RAB2A: variants seen among roughly 807,000 people sequenced by gnomAD.
RAB2A encodes the protein RAB2A, member RAS oncogene family.
Under a neutral mutation model 32.5 loss-of-function variants are expected in RAB2A, and 7 were observed. The ratio of observed to expected loss-of-function variants is 0.22; its 90% CI spans 0.12 to 0.40. RAB2A has a LOEUF of 0.40. Among genes scored for constraint, RAB2A ranks in the 10% least tolerant of loss-of-function variants. The pLI is 1.00. For missense variants in RAB2A, 108 were observed against 260.7 expected (o/e 0.41, Z 4.03); for synonymous variants, 79 against 85.2 (o/e 0.93, Z 0.40).
chr8:60,529,355 T>C (rs1261379561), intron 1 of RAB2A, among the ~76,000 whole-genome samples: 1 of 152,236 alleles, frequency 6.6e-6, no homozygotes, highest in East Asian at 1.9e-4. Context: ...TATAGTCTTT[T>C]GTCTACTTCT....
chr8:60,524,517 T>C (rs1211009648), intron 1 of RAB2A, among the ~76,000 whole-genome samples: 1 of 152,250 alleles, frequency 6.6e-6, no homozygotes, highest in African/African-American at 2.4e-5. Flanking sequence ...TCATTAGCCT[T>C]GATTATTTGC....
chr8:60,540,164 T>C (rs1220381314), intron 1 of RAB2A, among the ~76,000 whole-genome samples: 2 of 150,618 alleles, frequency 1.3e-5, no homozygotes, highest in African/African-American at 4.9e-5. Flanking sequence ...TTAAATGTAA[T>C]CCTTTTCTTC....
At chr8:60,556,855 A>C (rs577216722) in intron 1 of RAB2A, among the ~76,000 whole-genome samples, 6 of 152,102 alleles carry the variant, frequency 3.9e-5, no homozygotes, top group South Asian at 4.1e-4. Flanking sequence ...TGATTCTTGA[A>C]GTCTCTCAAG....
At chr8:60,574,419 T>G (rs1808239675) in intron 3 of RAB2A, among the ~76,000 whole-genome samples, 1 of 152,016 alleles carries the variant, frequency 6.6e-6, no homozygotes, top group South Asian at 2.1e-4. Context: ...ATAGAGAATC[T>G]CATTCTGTCT....
At chr8:60,562,345 C>G (rs1327893393) in intron 2 of RAB2A, among the ~76,000 whole-genome samples, 2 of 152,144 alleles carry the variant, frequency 1.3e-5, no homozygotes, top group African/African-American at 4.8e-5. Flanking sequence ...CCTAAAAAGG[C>G]AAAGCAAATT....
chr8:60,591,035 AG>A (rs754613040), intron 5 of RAB2A, among the ~76,000 whole-genome samples: 45 of 152,160 alleles, frequency 3.0e-4, no homozygotes, highest in Non-Finnish European at 2.8e-4. Flanking sequence ...TAATATGTCA[AG>A]GCTAGCTGGA....
chr8:60,620,392 T>C (rs146752686), intron 7 of RAB2A, among the ~76,000 whole-genome samples: 78 of 152,384 alleles, frequency 5.1e-4, no homozygotes, highest in Non-Finnish European at 7.9e-4. Context: ...TTTTAAATGA[T>C]TTCTGCATTA....
chr8:60,572,193 T>C (rs937604118), intron 3 of RAB2A, 80 bp downstream of exon 3: 27 of 1,076,134 alleles, frequency 2.5e-5, no homozygotes, highest in Admixed American at 1.4e-4. Context: ...TTTAATGTTA[T>C]TATATGCCTG....
chr8:60,552,809 C>T (rs1382952394), intron 1 of RAB2A: 1 of 152,142 alleles, frequency 6.6e-6, no homozygotes, highest in Non-Finnish European at 1.5e-5. Context: ...TTTTCTCTCT[C>T]TTATCAGTCA....
At chr8:60,579,668 C>T (rs1803706354) in intron 3 of RAB2A, among the ~76,000 whole-genome samples, 1 of 151,964 alleles carries the variant, frequency 6.6e-6, no homozygotes. Context: ...CACTCTGTCA[C>T]CCAGGCTGGA....
At chr8:60,555,317 A>C (rs1323254806) in intron 1 of RAB2A, among the ~76,000 whole-genome samples, 3 of 152,236 alleles carry the variant, frequency 2.0e-5, no homozygotes, top group African/African-American at 7.2e-5. Context: ...CAAAGATATT[A>C]TGGATAAGTC....
intron 6 of RAB2A, among the ~76,000 whole-genome samples, chr8:60,606,644 A>G (rs1026136560): frequency 6.6e-6 from 1 of 152,246 alleles, no homozygotes; most frequent in Non-Finnish European, 1.5e-5. Flanking sequence ...CATATACTAC[A>G]TTAATAACAC....
At chr8:60,526,031 ATATATATATATATATATATATATAT>A (rs1203956980) in intron 1 of RAB2A, among the ~76,000 whole-genome samples, 3 of 104,598 alleles carry the variant, frequency 2.9e-5, no homozygotes, top group African/African-American at 1.5e-4. Context: ...ATATATATAT[ATATATATATATATATATATATATAT>A]AAGTTTTCTG....
chr8:60,568,296 A>T (rs1370866635), intron 2 of RAB2A, among the ~76,000 whole-genome samples: 2 of 152,226 alleles, frequency 1.3e-5, no homozygotes, highest in African/African-American at 4.8e-5. Flanking sequence ...CTAGGTAAGG[A>T]GCCACATTCT....
intron 2 of RAB2A, among the ~76,000 whole-genome samples, chr8:60,563,521 A>G (rs1026298373): frequency 1.3e-5 from 2 of 152,138 alleles, no homozygotes; most frequent in African/African-American, 4.8e-5. Context: ...AGCTGGAAAT[A>G]CACTTTATGT....
chr8:60,567,401 A>C (rs544822746), intron 2 of RAB2A, among the ~76,000 whole-genome samples: 1 of 152,156 alleles, frequency 6.6e-6, no homozygotes, highest in Non-Finnish European at 1.5e-5. Context: ...TCATGAGGCA[A>C]TATCATACTG....
At chr8:60,560,515 G>A (rs539837247) in intron 2 of RAB2A, among the ~76,000 whole-genome samples, 59 of 152,126 alleles carry the variant, frequency 3.9e-4, no homozygotes, top group Non-Finnish European at 7.5e-4. Flanking sequence ...TTTAGTATAG[G>A]ATACTAAACA....
intron 1 of RAB2A, among the ~76,000 whole-genome samples, chr8:60,551,528 T>C (rs1807847024): frequency 6.6e-6 from 1 of 152,218 alleles, no homozygotes; most frequent in African/African-American, 2.4e-5. Flanking sequence ...ATTAGATAGG[T>C]GTTATTAACC....
intron 1 of RAB2A, among the ~76,000 whole-genome samples, chr8:60,527,845 G>C (rs902993896): frequency 6.6e-6 from 1 of 152,126 alleles, no homozygotes; most frequent in Non-Finnish European, 1.5e-5. Context: ...TATAGCGAGT[G>C]TAAATATACA....
Sources: allele counts gnomAD v4.1 joint callset (sites outside exome capture counted in the v4.1 genomes callset), GRCh38; gene constraint gnomAD v4.1.1; transcripts MANE v1.5; gene names NCBI Gene and HGNC (gene_info 2026-07-23, HGNC 2026-07-21).